NEGR1: variants seen among roughly 807,000 people sequenced by gnomAD.
NEGR1 encodes IgLON family member 4.
In NEGR1, 10 loss-of-function variants were observed where a neutral mutation model predicts 40.9. The ratio of observed to expected loss-of-function variants is 0.24; its 90% CI spans 0.15 to 0.42. The LOEUF (loss-of-function observed/expected upper bound fraction) is 0.42. NEGR1 is among the 10% of genes least tolerant of loss of function. The pLI is 1.00. For synonymous variants in NEGR1, 185 were observed against 166.8 expected, an observed-to-expected ratio of 1.11 and a Z score of -0.84; for missense variants, 352 against 438.9, an observed-to-expected ratio of 0.80 and a Z score of 1.77.
chr1:72,222,353 A>C (rs1259895355), intron 1 of NEGR1, among the ~76,000 whole-genome samples: 5 of 152,134 alleles, frequency 3.3e-5, no homozygotes, highest in Non-Finnish European at 7.4e-5. Context: ...CAGCCTACTC[A>C]AAATCTCTGT....
At chr1:71,868,113 GT>G (rs1660169393) in intron 2 of NEGR1, among the ~76,000 whole-genome samples, 1 of 151,992 alleles carries the variant, frequency 6.6e-6, no homozygotes, top group Non-Finnish European at 1.5e-5. Flanking sequence ...TATAATCTTT[GT>G]CAATGTCAGT....
At chr1:71,728,406 T>G (rs1455511709) in intron 3 of NEGR1, among the ~76,000 whole-genome samples, 1 of 152,154 alleles carries the variant, frequency 6.6e-6, no homozygotes, top group Admixed American at 6.6e-5. Context: ...AAACTACTGC[T>G]GAGGTTTATG....
At chr1:71,692,218 C>A (rs1304069150) in intron 4 of NEGR1, among the ~76,000 whole-genome samples, 3 of 151,498 alleles carry the variant, frequency 2.0e-5, no homozygotes, top group East Asian at 3.9e-4. Context: ...GTTATAGGAA[C>A]TAATACTTTA....
intron 3 of NEGR1, among the ~76,000 whole-genome samples, chr1:71,766,332 A>G (rs577767688): frequency 2.6e-5 from 4 of 152,322 alleles, no homozygotes; most frequent in African/African-American, 9.6e-5. Context: ...TGACAGGAGA[A>G]AAAGAACATA....
At chr1:71,706,018 G>T (rs561269675) in intron 3 of NEGR1, among the ~76,000 whole-genome samples, 1 of 152,234 alleles carries the variant, frequency 6.6e-6, no homozygotes, top group Non-Finnish European at 1.5e-5. Context: ...CCAAAATTCA[G>T]GTGAGTACTC....
intron 6 of NEGR1, among the ~76,000 whole-genome samples, chr1:71,562,879 T>C (rs1437660357): frequency 6.6e-6 from 1 of 152,004 alleles, no homozygotes; most frequent in Non-Finnish European, 1.5e-5. Flanking sequence ...ATCACTTACC[T>C]GGCTCATATT....
intron 4 of NEGR1, among the ~76,000 whole-genome samples, chr1:71,620,123 G>A (rs1302630379): frequency 3.3e-5 from 5 of 151,892 alleles, no homozygotes; most frequent in East Asian, 1.9e-4. Context: ...TTATGAACAC[G>A]CCATGTTAAA....
chr1:71,794,995 G>A (rs535811515), intron 2 of NEGR1, among the ~76,000 whole-genome samples: 1 of 152,120 alleles, frequency 6.6e-6, no homozygotes, highest in Non-Finnish European at 1.5e-5. Flanking sequence ...TTGACAAGAA[G>A]TGCACCTTCA....
At chr1:71,604,079 AAGAG>A (rs1281395007) in intron 5 of NEGR1, among the ~76,000 whole-genome samples, 2 of 152,128 alleles carry the variant, frequency 1.3e-5, no homozygotes, top group African/African-American at 2.4e-5. Context: ...GACCCACTGA[AAGAG>A]AGCCAGTTTC....
At chr1:72,069,066 T>C (rs1245033266) in intron 1 of NEGR1, among the ~76,000 whole-genome samples, 3 of 152,106 alleles carry the variant, frequency 2.0e-5, no homozygotes, top group Non-Finnish European at 1.5e-5. Flanking sequence ...TAATTAAATA[T>C]CAACCTAAAA....
intron 1 of NEGR1, among the ~76,000 whole-genome samples, chr1:72,265,546 G>A (rs914172527): frequency 1.3e-5 from 2 of 150,698 alleles, no homozygotes; most frequent in Non-Finnish European, 3.0e-5. Flanking sequence ...TGAAATATAT[G>A]CAATCAATAA....
intron 1 of NEGR1, among the ~76,000 whole-genome samples, chr1:72,069,098 C>G (rs975388240): frequency 1.3e-5 from 2 of 151,854 alleles, no homozygotes; most frequent in Admixed American, 6.6e-5. Context: ...TAGCATATAT[C>G]TTTTGTGTCA....
chr1:72,273,662 C>A (rs74088559), intron 1 of NEGR1, among the ~76,000 whole-genome samples: 3 of 151,612 alleles, frequency 2.0e-5, no homozygotes, highest in Non-Finnish European at 4.4e-5. Context: ...TGTAAAATGC[C>A]TTATATTTTA....
intron 1 of NEGR1, among the ~76,000 whole-genome samples, chr1:72,253,374 A>G (rs911876248): frequency 6.6e-6 from 1 of 152,212 alleles, no homozygotes; most frequent in Admixed American, 6.5e-5. Context: ...GAAGTCAGAC[A>G]GTGAATTTCA....
rs141388175 is a variant in NEGR1 at position 71,643,511 on chromosome 1, T to C, written c.668-32365A>G. Among the ~76,000 whole-genome samples, 798 of 152,134 alleles carry C rather than the reference T, an allele frequency of 5.2e-3. 22 individuals are homozygous for C. The highest frequency in any genetic ancestry group is 0.049 in the Admixed American group (748 of 15,230). The stretch of plus-strand genomic sequence containing the variant: ...AGGTTAAATTTATCTGAAATACATA[T>C]ATCAGCCTTTTATGTTGACTCTGTG... On this transcript the variant is annotated intron_variant, in intron 4 of 6. Transcript: ENST00000357731.
chr1:71,461,149 T>A (rs1646711776), intron 6 of NEGR1, among the ~76,000 whole-genome samples: 1 of 152,180 alleles, frequency 6.6e-6, no homozygotes, highest in African/African-American at 2.4e-5. Flanking sequence ...ATTATAAAAC[T>A]CTTTAATGGC....
intron 1 of NEGR1, among the ~76,000 whole-genome samples, chr1:72,015,369 A>G (rs527971226): frequency 6.6e-6 from 1 of 152,266 alleles, no homozygotes; most frequent in South Asian, 2.1e-4. Context: ...TGTGGTCACA[A>G]AAATGCATCT....
At chr1:71,867,348 C>T (rs11209862) in intron 2 of NEGR1, among the ~76,000 whole-genome samples, 39,406 of 152,138 alleles carry the variant, frequency 0.26, 5,305 homozygotes, top group East Asian at 0.51. Flanking sequence ...AACCGCCACC[C>T]TGGGCGAAAG....
At chr1:71,744,736 T>C (rs940490797) in intron 3 of NEGR1, among the ~76,000 whole-genome samples, 1 of 152,192 alleles carries the variant, frequency 6.6e-6, no homozygotes, top group Non-Finnish European at 1.5e-5. Context: ...AAGTTCAATC[T>C]TAGTTTTTTA....
Sources: allele counts gnomAD v4.1 joint callset (sites outside exome capture counted in the v4.1 genomes callset), GRCh38; gene constraint gnomAD v4.1.1; transcripts MANE v1.5; gene names NCBI Gene and HGNC (gene_info 2026-07-23, HGNC 2026-07-21).